SEL1L3: variants seen among roughly 807,000 people sequenced by gnomAD.
SEL1L3 encodes the protein SEL1L family member 3.
Under a neutral mutation model 142.8 loss-of-function variants are expected in SEL1L3, and 76 were observed. That is an observed-to-expected ratio of 0.53 (90% CI 0.44 to 0.64). The LOEUF (loss-of-function observed/expected upper bound fraction) is 0.64. Ranked by LOEUF, SEL1L3 falls within the 30% of genes least tolerant of loss-of-function variation. The pLI, the probability that SEL1L3 is intolerant of heterozygous loss-of-function variation, is 0.00. For synonymous variants in SEL1L3, 504 were observed against 519.6 expected (o/e 0.97, Z 0.41); for missense variants, 1,262 against 1,381.7 (o/e 0.91, Z 1.37).
intron 1 of SEL1L3, among the ~76,000 whole-genome samples, chr4:25,851,714 C>T (rs2109316166): frequency 6.6e-6 from 1 of 151,988 alleles, no homozygotes; most frequent in African/African-American, 2.4e-5. Context: ...CATGGTGAAA[C>T]CCCGTCTCTT....
the SEL1L3 span, among the ~76,000 whole-genome samples, chr4:25,731,231 T>C: frequency 1.3e-5 from 2 of 152,214 alleles, no homozygotes; most frequent in African/African-American, 4.8e-5. Context: ...GTTGGCCCTA[T>C]CTCTTTAAGT....
At chr4:25,774,427 CCAAT>C (rs1719458420) in intron 17 of SEL1L3, among the ~76,000 whole-genome samples, 1 of 152,124 alleles carries the variant, frequency 6.6e-6, no homozygotes, top group Non-Finnish European at 1.5e-5. Flanking sequence ...AACCAACCAA[CCAAT>C]CAACCAACCA....
chr4:25,774,523 C>T (rs1005574772), intron 17 of SEL1L3, among the ~76,000 whole-genome samples: 5 of 152,108 alleles, frequency 3.3e-5, no homozygotes, highest in African/African-American at 1.2e-4. Context: ...TCTAGGCCTT[C>T]GCAGCAGCTT....
At chr4:25,786,102 A>G (rs925778810) in intron 13 of SEL1L3, among the ~76,000 whole-genome samples, 8 of 152,220 alleles carry the variant, frequency 5.3e-5, no homozygotes, top group Admixed American at 5.2e-4. Context: ...GATGGAGGAC[A>G]GTTGCTGCTG....
intron 20 of SEL1L3, among the ~76,000 whole-genome samples, chr4:25,762,593 C>T (rs1010640189): frequency 1.3e-5 from 2 of 152,132 alleles, no homozygotes; most frequent in African/African-American, 2.4e-5. Flanking sequence ...AATGTATCAG[C>T]TCAACAGAAT....
intron 20 of SEL1L3, among the ~76,000 whole-genome samples, chr4:25,760,998 A>G (rs956620287): frequency 6.6e-6 from 1 of 152,196 alleles, no homozygotes; most frequent in African/African-American, 2.4e-5. Flanking sequence ...GACAGGGTGC[A>G]GAGTCTCAAA....
intron 17 of SEL1L3, among the ~76,000 whole-genome samples, chr4:25,775,698 T>C (rs1000668423): frequency 6.6e-6 from 1 of 152,204 alleles, no homozygotes; most frequent in African/African-American, 2.4e-5. Flanking sequence ...TCATACACCA[T>C]GTTTCATCCC....
intron 2 of SEL1L3, among the ~76,000 whole-genome samples, chr4:25,842,594 T>C (rs1300324703): frequency 6.6e-6 from 1 of 152,176 alleles, no homozygotes; most frequent in Non-Finnish European, 1.5e-5. Context: ...GTGTGTGCAG[T>C]GGCCCTAGGG....
intron 23 of SEL1L3, among the ~76,000 whole-genome samples, chr4:25,753,273 G>T (rs928490055): frequency 6.6e-6 from 1 of 152,252 alleles, no homozygotes; most frequent in Non-Finnish European, 1.5e-5. Context: ...TCAACTGCAA[G>T]TCTTGACTAT....
downstream of SEL1L3, among the ~76,000 whole-genome samples, chr4:25,744,348 C>CTTTTT (rs35155388): frequency 5.9e-5 from 6 of 101,426 alleles, no homozygotes; most frequent in African/African-American, 1.4e-4. Context: ...ATGTGTGAGT[C>CTTTTT]TTTTTTTTTT....
chr4:25,782,136 A>G (rs551751230), intron 15 of SEL1L3, 106 bp downstream of exon 15: 11 of 971,814 alleles, frequency 1.1e-5, no homozygotes, highest in Non-Finnish European at 1.7e-5. Context: ...CCTCGAGGAC[A>G]GGGACTGTGT....
chr4:25,784,364 G>T, intron 13 of SEL1L3, 74 bp from the exon 14 acceptor site: 2 of 1,163,820 alleles, frequency 1.7e-6, no homozygotes, highest in African/African-American at 1.5e-5. Flanking sequence ...CTTTAGTGTT[G>T]GATATAAAAT....
At chr4:25,798,553 C>T (rs183336261) in intron 11 of SEL1L3, among the ~76,000 whole-genome samples, 7 of 152,224 alleles carry the variant, frequency 4.6e-5, no homozygotes, top group Admixed American at 6.5e-5. Context: ...GACGGCTGGG[C>T]GAGGTGGCTC....
At chr4:25,863,397 C>T, upstream of SEL1L3, 1 of 695,930 alleles carries the variant, frequency 1.4e-6, no homozygotes, top group Non-Finnish European at 2.6e-6. Context: ...CCTTCCCATC[C>T]TCTTCCTCGC....
chr4:25,792,461 T>A (rs1403165333), intron 11 of SEL1L3, among the ~76,000 whole-genome samples: 1 of 152,218 alleles, frequency 6.6e-6, no homozygotes, highest in Non-Finnish European at 1.5e-5. Flanking sequence ...TGGCCAAGCT[T>A]ATGGCCAGTG....
At chr4:25,826,839 T>C (rs1273100113) in intron 6 of SEL1L3, among the ~76,000 whole-genome samples, 3 of 152,128 alleles carry the variant, frequency 2.0e-5, no homozygotes, top group African/African-American at 7.2e-5. Context: ...AATTTTTGTA[T>C]TTTTAGTAGA....
chr4:25,731,534 A>C, the SEL1L3 span, among the ~76,000 whole-genome samples: 3 of 152,174 alleles, frequency 2.0e-5, no homozygotes, highest in African/African-American at 7.2e-5. Context: ...ATCATTGGTC[A>C]GCTTTCTGTC....
At position 25,748,364 on chromosome 4, in the gene SEL1L3, C is replaced by G. The variant is rs951474811; in HGVS notation, c.*61G>C. On this transcript the variant is annotated 3_prime_UTR_variant, in exon 24 of 24. Transcript: ENST00000399878. ...TATCAGGATCATGCCCTGGCCCCAGCTTCCCAATACCAGCTGTTGAAAAGA... is the reference window on the plus strand; with the variant it reads ...TATCAGGATCATGCCCTGGCCCCAGGTTCCCAATACCAGCTGTTGAAAAGA... 2.7e-5 allele frequency: 41 copies of G among 1,514,536 alleles called. No homozygotes were observed. In the Middle Eastern group the frequency reaches 6.8e-4, roughly 25 times the overall value. 93.8% of individuals were successfully genotyped at this position (1,514,536 alleles called of 1,614,324 possible).
At chr4:25,792,179 G>A (rs34866451) in intron 11 of SEL1L3, among the ~76,000 whole-genome samples, 44,428 of 152,068 alleles carry the variant, frequency 0.29, 6,935 homozygotes, top group Middle Eastern at 0.38. Context: ...CTCAGTGTTT[G>A]AGATACGTGG....
Sources: allele counts gnomAD v4.1 joint callset (sites outside exome capture counted in the v4.1 genomes callset), GRCh38; gene constraint gnomAD v4.1.1; transcripts MANE v1.5; gene names NCBI Gene and HGNC (gene_info 2026-07-23, HGNC 2026-07-21).